COQ3: variants seen among roughly 807,000 people sequenced by gnomAD.
The protein encoded by COQ3 is ubiquinone biosynthesis O-methyltransferase, mitochondrial.
COQ3 carries 29 observed loss-of-function variants against 33.1 expected under a neutral mutation model. The ratio of observed to expected loss-of-function variants is 0.88; its 90% CI spans 0.65 to 1.19. The LOEUF is 1.19. COQ3 is among the 50% of genes most tolerant of loss of function. COQ3 has a pLI of 0.00. For synonymous variants in COQ3, 173 were observed against 157.8 expected (o/e 1.10, Z -0.72); for missense variants, 437 against 430.7 (o/e 1.01, Z -0.13).
intron 5 of COQ3, among the ~76,000 whole-genome samples, chr6:99,372,551 G>A (rs1242920771): frequency 1.3e-5 from 2 of 151,944 alleles, no homozygotes; most frequent in Admixed American, 6.6e-5. Context: ...CCAAGTAGCT[G>A]GGATTACAGG....
intron 5 of COQ3, among the ~76,000 whole-genome samples, chr6:99,375,631 C>T (rs1774261018): frequency 6.6e-6 from 1 of 151,996 alleles, no homozygotes; most frequent in African/African-American, 2.4e-5. Context: ...GTGATCTGCC[C>T]ACCTTGGCCT....
rs562777058 is a variant in COQ3, at chr6:99,382,674, C to T, written c.233+1024G>A. Among the ~76,000 whole-genome samples, 11 of 152,282 alleles carry T rather than the reference C, an allele frequency of 7.2e-5. 1 individual carries two copies. The South Asian group carries it at 2.3e-3, about 32-fold the overall frequency. ...AGCACTTAGAAAACAGAGTTCAAGG[C>T]TGGGCGCGGTGGCTCATGCCTGTAA... On this transcript the variant is annotated intron_variant, in intron 2 of 6. Coordinates refer to ENST00000254759, the MANE Select transcript of COQ3 (RefSeq NM_017421.4).
chr6:99,375,994 T>A lies in COQ3; in HGVS notation c.675A>T (p.Val225=). Residue 225 remains valine, a synonymous_variant, in exon 5 of 7, where the codon GTA becomes GTT. Transcript: ENST00000254759. ...ATGTTTCTAGATCAATCACATGTTCTACAACTTCAGAAGCTACAACAGCAT... is the reference window on the plus strand; with the variant it reads ...ATGTTTCTAGATCAATCACATGTTCAACAACTTCAGAAGCTACAACAGCAT... The part of the protein sequence containing the change: ...TFDAVVASEV[V]EHVIDLETFL... 6.2e-7 allele frequency: 1 copy of A among 1,614,112 alleles called. No homozygotes were observed.
At chr6:99,385,737 G>A (rs1048822781) in intron 1 of COQ3, among the ~76,000 whole-genome samples, 5 of 152,034 alleles carry the variant, frequency 3.3e-5, no homozygotes, top group Non-Finnish European at 2.9e-5. Context: ...GGCACTTTGG[G>A]AGGCCGAGGC....
At chr6:99,382,412 C>T (rs1774498493) in intron 2 of COQ3, among the ~76,000 whole-genome samples, 2 of 152,064 alleles carry the variant, frequency 1.3e-5, no homozygotes, top group Non-Finnish European at 2.9e-5. Flanking sequence ...TTGTTTTTAG[C>T]CACATAAAGA....
intron 6 of COQ3, among the ~76,000 whole-genome samples, chr6:99,370,515 AT>A (rs1774111761): frequency 6.6e-6 from 1 of 151,440 alleles, no homozygotes; most frequent in Admixed American, 6.6e-5. Flanking sequence ...CACCCGGCTA[AT>A]TTTTGTATTT....
rs548002124 is a variant in COQ3 at position 99,369,499 on chromosome 6, C to T, written c.*101G>A. On this transcript the variant is annotated 3_prime_UTR_variant, in exon 7 of 7. Transcript: ENST00000254759. ...CAAGGTTTTAGCCCTTTTTATTGAC[C>T]TTCTTTTCTTCATGATTCTCTCTCA... 47 of 980,188 alleles carry T rather than the reference C, an allele frequency of 4.8e-5. No homozygotes were observed. The African/African-American group carries it at 6.4e-4, about 13-fold the overall frequency. 60.7% of individuals were successfully genotyped at this position (980,188 alleles called of 1,614,324 possible). A position where few individuals can be genotyped will look rare whatever the true frequency, so the allele number is the denominator to read the frequency against.
chr6:99,377,938 TA>T (rs1224174088), intron 3 of COQ3, among the ~76,000 whole-genome samples: 1 of 151,638 alleles, frequency 6.6e-6, no homozygotes, highest in Non-Finnish European at 1.5e-5. Context: ...AAATTTCTTT[TA>T]ATCTTCTAAA....
intron 1 of COQ3, among the ~76,000 whole-genome samples, chr6:99,386,939 A>G (rs990543972): frequency 2.0e-5 from 3 of 152,246 alleles, no homozygotes; most frequent in Non-Finnish European, 4.4e-5. Context: ...TATGAAGCCA[A>G]CATTACTCTG....
intron 5 of COQ3, among the ~76,000 whole-genome samples, chr6:99,373,118 C>A (rs1455194855): frequency 6.6e-6 from 1 of 152,050 alleles, no homozygotes; most frequent in East Asian, 1.9e-4. Flanking sequence ...CTCATTGCAA[C>A]TTCAAACTCT....
At chr6:99,378,231 T>C (rs1429969470) in intron 3 of COQ3, among the ~76,000 whole-genome samples, 1 of 148,146 alleles carries the variant, frequency 6.8e-6, no homozygotes, top group African/African-American at 2.5e-5. Flanking sequence ...ATATTATTCA[T>C]AATGAGGATA....
At chr6:99,381,795 A>G (rs1226101500) in intron 2 of COQ3, among the ~76,000 whole-genome samples, 4 of 151,936 alleles carry the variant, frequency 2.6e-5, no homozygotes, top group Non-Finnish European at 5.9e-5. Context: ...GTGTGGTGGC[A>G]GGTGCCTATA....
At chr6:99,387,443 T>C (rs2128473390) in intron 1 of COQ3, among the ~76,000 whole-genome samples, 1 of 152,178 alleles carries the variant, frequency 6.6e-6, no homozygotes, top group South Asian at 2.1e-4. Context: ...AGAGCAACAC[T>C]GTCTCAAAAA....
In COQ3 at chr6:99,377,083, C is replaced by T. The variant is rs529027647; in HGVS notation, c.486+303G>A. ...GGAGTGCAGTGGCTCAATCTCAGCT[C>T]ACTGCAACCTCTGCCTCCCGGGTTC... On this transcript the variant is annotated intron_variant, in intron 4 of 6. Coordinates refer to ENST00000254759, the MANE Select transcript of COQ3 (RefSeq NM_017421.4). 7.9e-5 allele frequency among the ~76,000 whole-genome samples: 12 copies of T among 151,228 alleles called. No homozygotes were observed. In the South Asian group the frequency reaches 2.3e-3, roughly 29 times the overall value.
intron 1 of COQ3, among the ~76,000 whole-genome samples, chr6:99,393,258 T>C (rs1347335238): frequency 1.3e-5 from 2 of 152,108 alleles, no homozygotes; most frequent in African/African-American, 4.8e-5. Context: ...TATATCTTAC[T>C]ACTTTTCCAT....
chr6:99,378,826 C>T (rs551107091), intron 3 of COQ3, among the ~76,000 whole-genome samples: 2 of 152,100 alleles, frequency 1.3e-5, no homozygotes, highest in Non-Finnish European at 2.9e-5. Context: ...CCAGCAAAAA[C>T]CAACCAGGAA....
intron 6 of COQ3, among the ~76,000 whole-genome samples, chr6:99,370,343 A>ATTTTTTT (rs1774095777): frequency 3.3e-5 from 2 of 60,454 alleles, no homozygotes; most frequent in African/African-American, 1.3e-4. Flanking sequence ...TCTTTTCTTT[A>ATTTTTTT]CTTTTTTTTT....
At chr6:99,379,461 C>T (rs927871076) in intron 3 of COQ3, among the ~76,000 whole-genome samples, 1 of 152,164 alleles carries the variant, frequency 6.6e-6, no homozygotes, top group African/African-American at 2.4e-5. Context: ...TACAGTCTAG[C>T]CCCTGAGCTC....
At chr6:99,393,581 A>G (rs977369981) in intron 1 of COQ3, among the ~76,000 whole-genome samples, 7 of 152,256 alleles carry the variant, frequency 4.6e-5, no homozygotes, top group Admixed American at 6.5e-5. Flanking sequence ...TGAGCAGTGC[A>G]TTATTTTCTT....
Sources: gnomAD v4.1 joint callset for allele counts (sites outside exome capture counted in the v4.1 genomes callset) on GRCh38, gnomAD v4.1.1 for gene constraint, MANE v1.5 for transcripts, NCBI Gene and HGNC (gene_info 2026-07-23, HGNC 2026-07-21) for gene names.